The following PTPRM variants were observed in gnomAD, a reference collection of about 807,000 sequenced individuals.
The protein encoded by PTPRM is protein tyrosine phosphatase receptor type M.
Under a neutral mutation model 186.7 loss-of-function variants are expected in PTPRM, and 47 were observed. That is an observed-to-expected ratio of 0.25 (90% CI 0.20 to 0.32). PTPRM has a LOEUF of 0.32. PTPRM is among the 10% of genes least tolerant of loss of function. The pLI is 1.00. For missense variants in PTPRM, 1,494 were observed against 1,865.0 expected (o/e 0.80, Z 3.66); for synonymous variants, 668 against 674.9 (o/e 0.99, Z 0.16).
rs564964544 is a variant in PTPRM at position 7,999,404 on chromosome 18, C to A, written c.1132+43990C>A. Among the ~76,000 whole-genome samples the A allele has an allele frequency of 7.3e-4, 111 of 152,088 alleles. 2 individuals carry two copies. Among genetic ancestry groups the A allele is most frequent in the Non-Finnish European group, 2.9e-5 (2 of 67,998 alleles). Reference sequence around the variant, plus strand: ...TATAACCAGTATTTACCATAAGAGTCAAGTCAATGATACAGATGATAGTAT... The same window carrying A: ...TATAACCAGTATTTACCATAAGAGTAAAGTCAATGATACAGATGATAGTAT... On this transcript the variant is annotated intron_variant, in intron 7 of 32. Transcript: ENST00000580170.
intron 1 of PTPRM, among the ~76,000 whole-genome samples, chr18:7,577,328 T>G (rs1191910553): frequency 6.6e-6 from 1 of 152,222 alleles, no homozygotes; most frequent in East Asian, 1.9e-4. Context: ...CATTTTGATA[T>G]AATACTGATC....
At chr18:7,671,760 T>TG (rs1487904849) in intron 1 of PTPRM, among the ~76,000 whole-genome samples, 1 of 152,158 alleles carries the variant, frequency 6.6e-6, no homozygotes, top group African/African-American at 2.4e-5. Context: ...AGTTTTTAAA[T>TG]TAAAAAAATA....
intron 14 of PTPRM, among the ~76,000 whole-genome samples, chr18:8,220,221 CAAG>C (rs2094139054): frequency 6.6e-6 from 1 of 152,050 alleles, no homozygotes; most frequent in African/African-American, 2.4e-5. Context: ...AAAACAAGAC[CAAG>C]AAGATGTGGA....
chr18:8,103,970 G>C (rs954973424), intron 11 of PTPRM, among the ~76,000 whole-genome samples: 2 of 151,628 alleles, frequency 1.3e-5, no homozygotes, highest in African/African-American at 4.8e-5. Context: ...GAGTAGGGAG[G>C]CCCAGTGCCA....
At chr18:7,646,404 T>A (rs2038565152) in intron 1 of PTPRM, among the ~76,000 whole-genome samples, 1 of 152,200 alleles carries the variant, frequency 6.6e-6, no homozygotes. Flanking sequence ...GATGACAAGA[T>A]GATAACGGTG....
intron 2 of PTPRM, among the ~76,000 whole-genome samples, chr18:7,807,154 T>C (rs1163592428): frequency 6.6e-6 from 1 of 152,230 alleles, no homozygotes; most frequent in East Asian, 1.9e-4. Flanking sequence ...GTGTTCACGC[T>C]TTTTCACGGA....
Position 7,760,866 on chromosome 18 carries a change from C to T in PTPRM, c.74-13283C>T, listed in dbSNP as rs566501663. Among the ~76,000 whole-genome samples the T allele has an allele frequency of 4.6e-5, 7 of 152,232 alleles. No individual in the cohort carries two copies. In the South Asian group the frequency reaches 1.2e-3, roughly 27 times the overall value. ...GGTGGCAAATCTACATTCTTTCCACCCTAGCTCCATTCTGCTGCTTGGTTG... is the reference window on the plus strand; with the variant it reads ...GGTGGCAAATCTACATTCTTTCCACTCTAGCTCCATTCTGCTGCTTGGTTG... On this transcript the variant is annotated intron_variant, in intron 1 of 32. Transcript: ENST00000580170.
intron 11 of PTPRM, among the ~76,000 whole-genome samples, chr18:8,096,080 A>G (rs934543561): frequency 6.6e-6 from 1 of 152,080 alleles, no homozygotes; most frequent in Non-Finnish European, 1.5e-5. Context: ...TTTTGTGACA[A>G]TGACTGTACG....
At chr18:8,281,167 C>T (rs1487863208) in intron 19 of PTPRM, among the ~76,000 whole-genome samples, 1 of 152,204 alleles carries the variant, frequency 6.6e-6, no homozygotes, top group Non-Finnish European at 1.5e-5. Context: ...AGCCAGATGT[C>T]GTCATGCTCT....
chr18:8,196,916 G>A (rs1429540410), intron 14 of PTPRM, among the ~76,000 whole-genome samples: 1 of 152,190 alleles, frequency 6.6e-6, no homozygotes, highest in Non-Finnish European at 1.5e-5. Context: ...GCAAACGTCT[G>A]ACTTGAAGGC....
chr18:7,955,558 T>A, intron 7 of PTPRM, 144 bp downstream of exon 7: 1 of 938,858 alleles, frequency 1.1e-6, no homozygotes, highest in Non-Finnish European at 1.5e-6. Flanking sequence ...AGCCTGTGAA[T>A]AGTCAGCTAA....
chr18:8,237,267 A>G (rs1349031380), intron 14 of PTPRM, among the ~76,000 whole-genome samples: 7 of 152,072 alleles, frequency 4.6e-5, no homozygotes, highest in Admixed American at 2.0e-4. Flanking sequence ...TGCTATATCA[A>G]TTAAGAATTT....
At chr18:7,702,751 G>C (rs1394252001) in intron 1 of PTPRM, among the ~76,000 whole-genome samples, 1 of 152,144 alleles carries the variant, frequency 6.6e-6, no homozygotes, top group African/African-American at 2.4e-5. Context: ...TGTTGTTTTA[G>C]TCATGAAGTC....
chr18:7,743,947 G>A (rs2040934047), intron 1 of PTPRM, among the ~76,000 whole-genome samples: 1 of 151,612 alleles, frequency 6.6e-6, no homozygotes. Flanking sequence ...TTCATCAAAT[G>A]GAAATGATTA....
chr18:7,864,728 G>A (rs111413244), intron 2 of PTPRM, among the ~76,000 whole-genome samples: 57,721 of 151,972 alleles, frequency 0.38, 14,359 homozygotes, highest in African/African-American at 0.71. Context: ...TTCTAATTCT[G>A]TGAAGAAAGT....
Position 8,143,735 on chromosome 18 carries a change from G to T in PTPRM, c.2256G>T (p.Leu752=), listed in dbSNP as rs1210606907. The change falls in exon 14 of 33, where the codon CTG becomes CTT. Residue 752 remains leucine (L), a synonymous_variant. Coordinates refer to ENST00000580170, the MANE Select transcript of PTPRM (RefSeq NM_001105244.2). The part of the protein sequence containing the change: ...KIAGVIAGIL[L]FVIIFLGVVL... ...CTGGAGTCATCGCGGGCATCTTGCT[G>T]TTCGTGATTATATTTCTTGGAGTTG... 2 of 1,614,108 alleles carry T rather than the reference G, an allele frequency of 1.2e-6. No individual in the cohort carries two copies. The highest frequency in any genetic ancestry group is 1.1e-5 in the South Asian group (1 of 91,076).
At chr18:8,384,535 C>G in intron 29 of PTPRM, 26 bp from the exon 30 acceptor site, 1 of 1,612,780 alleles carries the variant, frequency 6.2e-7, no homozygotes. Flanking sequence ...TATAACTAAC[C>G]TTGTGTTTAT....
At chr18:8,013,990 T>C (rs928539485) in intron 7 of PTPRM, among the ~76,000 whole-genome samples, 13 of 152,190 alleles carry the variant, frequency 8.5e-5, no homozygotes, top group African/African-American at 3.1e-4. Flanking sequence ...AACTCAAGAT[T>C]TCATCATAAA....
rs17397973 is a variant in PTPRM at position 8,140,761 on chromosome 18, C to T, written c.2168-2886C>T. ...TTCAAAAGGAACTAAATGCACACTG[C>T]TGTCCTAACAGAATACACACAAGAA... is the stretch of plus-strand genomic sequence containing the variant. On this transcript the variant is annotated intron_variant, in intron 13 of 32. Transcript: ENST00000580170. 8.6e-3 allele frequency among the ~76,000 whole-genome samples: 1,304 copies of T among 152,200 alleles called. 7 individuals are homozygous for T. Among genetic ancestry groups the T allele is most frequent in the Non-Finnish European group, 0.014 (946 of 68,014 alleles).
Sources: allele counts gnomAD v4.1 joint callset (sites outside exome capture counted in the v4.1 genomes callset), GRCh38; gene constraint gnomAD v4.1.1; transcripts MANE v1.5; gene names NCBI Gene and HGNC (gene_info 2026-07-23, HGNC 2026-07-21).